The following CACNB2 variants were observed in gnomAD, a reference collection of about 807,000 sequenced individuals.
CACNB2 encodes the protein voltage-dependent L-type calcium channel subunit beta-2.
Under a neutral mutation model 73.3 loss-of-function variants are expected in CACNB2, and 42 were observed. The observed-to-expected ratio is 0.57, with a 90% CI of 0.45 to 0.74. CACNB2 has a LOEUF of 0.74. Among genes scored for constraint, CACNB2 ranks in the 30% least tolerant of loss-of-function variants. The pLI is 0.00. For missense variants in CACNB2, 940 were observed against 853.0 expected (o/e 1.10, Z -1.27); for synonymous variants, 348 against 310.3 (o/e 1.12, Z -1.28).
rs1227559724 is a variant in CACNB2, at chr10:18,154,756, C to T, written c.213+3781C>T. Among the ~76,000 whole-genome samples, 8 of 152,294 alleles carry T rather than the reference C, an allele frequency of 5.3e-5. No individual in the cohort carries two copies. In the South Asian group the frequency reaches 1.5e-3, roughly 28 times the overall value. ...GTGCTGGGATTACAGACATGAGCCA[C>T]CGCACTGGGCTGTTATCCTTTTAAG... On this transcript the variant is annotated intron_variant, in intron 2 of 13. Transcript: ENST00000324631.
At chr10:18,282,869 A>T (rs1301339066) in intron 2 of CACNB2, among the ~76,000 whole-genome samples, 1 of 152,228 alleles carries the variant, frequency 6.6e-6, no homozygotes, top group Non-Finnish European at 1.5e-5. Flanking sequence ...AACTACCATC[A>T]GAGTGAACAG....
chr10:18,537,992 C>A (rs953450899), intron 12 of CACNB2, among the ~76,000 whole-genome samples, 188 bp from the exon 13 acceptor site: 10 of 152,086 alleles, frequency 6.6e-5, no homozygotes, highest in African/African-American at 2.4e-4. Context: ...ATTCAGTGCC[C>A]TCAACAATGA....
At chr10:18,515,262 C>A (rs114461012) in intron 7 of CACNB2, among the ~76,000 whole-genome samples, 125 of 152,238 alleles carry the variant, frequency 8.2e-4, no homozygotes, top group African/African-American at 2.6e-3. Flanking sequence ...AAGCCTTTTC[C>A]TCACCCATTT....
At chr10:18,141,038 C>T (rs529609704) in intron 1 of CACNB2, 182 bp downstream of exon 1, 6 of 1,543,474 alleles carry the variant, frequency 3.9e-6, no homozygotes, top group Non-Finnish European at 5.2e-6. Context: ...CTTTTCCTGG[C>T]TCTGCCTCGG....
intron 2 of CACNB2, among the ~76,000 whole-genome samples, chr10:18,370,632 A>G (rs896592828): frequency 6.6e-6 from 1 of 152,164 alleles, no homozygotes; most frequent in Non-Finnish European, 1.5e-5. Context: ...CCCCAGGTGA[A>G]TTAATAAACT....
chr10:18,448,926 G>T (rs1346919196), intron 3 of CACNB2, among the ~76,000 whole-genome samples: 4 of 152,238 alleles, frequency 2.6e-5, no homozygotes, highest in African/African-American at 9.6e-5. Context: ...TTGTGAAGTT[G>T]TGACAGTGAA....
chr10:18,169,595 T>G (rs957263422), intron 2 of CACNB2, among the ~76,000 whole-genome samples: 1 of 152,232 alleles, frequency 6.6e-6, no homozygotes, highest in African/African-American at 2.4e-5. Context: ...CATTCACTTT[T>G]AGGCTTTTGA....
intron 2 of CACNB2, among the ~76,000 whole-genome samples, chr10:18,321,812 C>A (rs909283435): frequency 1.3e-5 from 2 of 152,104 alleles, no homozygotes; most frequent in African/African-American, 4.8e-5. Context: ...TTGCCCTCTG[C>A]CCCTCTTTTT....
At chr10:18,450,991 G>C (rs1461925912) in intron 3 of CACNB2, among the ~76,000 whole-genome samples, 2 of 152,034 alleles carry the variant, frequency 1.3e-5, no homozygotes, top group Non-Finnish European at 2.9e-5. Flanking sequence ...ATGTTACTTG[G>C]GACATATTTC....
chr10:18,355,274 G>A (rs1409436967), intron 2 of CACNB2, among the ~76,000 whole-genome samples: 1 of 152,168 alleles, frequency 6.6e-6, no homozygotes, highest in Non-Finnish European at 1.5e-5. Context: ...TCTAGATTTT[G>A]GAGTTCTGGA....
chr10:18,323,584 A>C (rs1243787488), intron 2 of CACNB2, among the ~76,000 whole-genome samples: 1 of 152,206 alleles, frequency 6.6e-6, no homozygotes, highest in Admixed American at 6.5e-5. Context: ...AAAAAGATTC[A>C]CTTGGATTCC....
At chr10:18,526,577 G>A (rs368320526) in intron 9 of CACNB2, among the ~76,000 whole-genome samples, 7 of 152,148 alleles carry the variant, frequency 4.6e-5, no homozygotes, top group East Asian at 3.8e-4. Context: ...TTGCTTCACA[G>A]CTTTTTCCTA....
At chr10:18,241,495 G>C (rs2036648314) in intron 2 of CACNB2, among the ~76,000 whole-genome samples, 1 of 151,878 alleles carries the variant, frequency 6.6e-6, no homozygotes, top group Non-Finnish European at 1.5e-5. Flanking sequence ...ATGACGGGTT[G>C]ATGGGTGCAG....
At chr10:18,421,718 C>G (rs1340901530) in intron 3 of CACNB2, among the ~76,000 whole-genome samples, 3 of 152,130 alleles carry the variant, frequency 2.0e-5, no homozygotes, top group East Asian at 1.9e-4. Flanking sequence ...ATCTAAACAG[C>G]TTGGCTTATA....
chr10:18,487,062 T>C (rs1274944880), intron 3 of CACNB2, among the ~76,000 whole-genome samples: 3 of 152,166 alleles, frequency 2.0e-5, no homozygotes, highest in Non-Finnish European at 4.4e-5. Context: ...CTGTCTGCTT[T>C]ACATAGGGCG....
chr10:18,511,315 C>T (rs1251853392), intron 6 of CACNB2, among the ~76,000 whole-genome samples: 1 of 152,136 alleles, frequency 6.6e-6, no homozygotes, highest in African/African-American at 2.4e-5. Flanking sequence ...CAGGTATTCA[C>T]TCCATCACAG....
At chr10:18,453,625 A>C (rs2047122044) in intron 3 of CACNB2, among the ~76,000 whole-genome samples, 1 of 152,086 alleles carries the variant, frequency 6.6e-6, no homozygotes, top group South Asian at 2.1e-4. Flanking sequence ...CATACTTACC[A>C]ATTTCTTGCC....
chr10:18,392,036 G>T (rs138997583), intron 2 of CACNB2, among the ~76,000 whole-genome samples: 1 of 152,040 alleles, frequency 6.6e-6, no homozygotes. Flanking sequence ...ATTTGAAATA[G>T]GATGGTTGCA....
At chr10:18,276,537 C>T (rs962942499) in intron 2 of CACNB2, among the ~76,000 whole-genome samples, 2 of 151,976 alleles carry the variant, frequency 1.3e-5, no homozygotes, top group Non-Finnish European at 2.9e-5. Context: ...TACAGTGGCA[C>T]GCACCCAGCT....
Sources: allele counts gnomAD v4.1 joint callset (sites outside exome capture counted in the v4.1 genomes callset), GRCh38; gene constraint gnomAD v4.1.1; transcripts MANE v1.5; gene names NCBI Gene and HGNC (gene_info 2026-07-23, HGNC 2026-07-21).